Variants in LAMA4 observed in about 807,000 individuals in gnomAD.
LAMA4 encodes the protein laminin subunit alpha-4.
Under a neutral mutation model 207.1 loss-of-function variants are expected in LAMA4, and 127 were observed. That is an observed-to-expected ratio of 0.61 (90% CI 0.53 to 0.71). The LOEUF (loss-of-function observed/expected upper bound fraction) is 0.71. LAMA4 is among the 30% of genes least tolerant of loss of function. The pLI is 0.00. For missense variants in LAMA4, 2,093 were observed against 2,246.5 expected, an observed-to-expected ratio of 0.93 and a Z score of 1.38; for synonymous variants, 761 against 816.0, an observed-to-expected ratio of 0.93 and a Z score of 1.15.
At position 112,165,248 on chromosome 6, in the gene LAMA4, A is replaced by T. The variant is rs782032951; in HGVS notation, c.1580T>A (p.Met527Lys). 6.2e-7 allele frequency: 1 copy of T among 1,612,934 alleles called. No individual in the cohort carries two copies. Among genetic ancestry groups the T allele is most frequent in the African/African-American group, 1.3e-5 (1 of 74,888 alleles). The change falls in exon 13 of 39, where the codon ATG becomes AAG. Residue 527 changes from methionine (M) to lysine (K), a missense_variant. Around this residue, in one of 3 missense-constraint regions of LAMA4, gnomAD observed 1,704 missense variants for 1,788.4 expected, o/e 0.95. Coordinates refer to ENST00000230538, the MANE Select transcript of LAMA4 (RefSeq NM_001105206.3). ...GCTCAGAGACATGTTCACCACTTCC[A>T]TTTGTTCCCTCACTCTTTCCTGTTG... ...EKQQERVREQ[M>K]EVVNMSLSTS...
At chr6:112,136,824 A>T (rs9487824) in intron 24 of LAMA4, among the ~76,000 whole-genome samples, 1 of 152,058 alleles carries the variant, frequency 6.6e-6, no homozygotes, top group Non-Finnish European at 1.5e-5. Flanking sequence ...TAATGGATGA[A>T]GTTTTAAGTC....
chr6:112,139,653 C>G, intron 23 of LAMA4, 99 bp downstream of exon 23: 1 of 1,467,434 alleles, frequency 6.8e-7, no homozygotes. Flanking sequence ...CTGGCTTCCC[C>G]AAAGAAAAGT....
chr6:112,151,224 G>C, intron 16 of LAMA4, among the ~76,000 whole-genome samples: 1 of 152,040 alleles, frequency 6.6e-6, no homozygotes, highest in Non-Finnish European at 1.5e-5. Context: ...CCATCTGTTT[G>C]TGTCTGTTTT....
chr6:112,241,162 A>AAT (rs1459995943), intron 2 of LAMA4, among the ~76,000 whole-genome samples: 16 of 55,542 alleles, frequency 2.9e-4, no homozygotes, highest in South Asian at 1.6e-3. Context: ...TATATATATG[A>AAT]ATATATATGA....
rs80039771 is a variant in LAMA4 at position 112,157,994 on chromosome 6, T to A, written c.1817+738A>T. On this transcript the variant is annotated intron_variant, in intron 14 of 38. Coordinates refer to ENST00000230538, the MANE Select transcript of LAMA4 (RefSeq NM_001105206.3). ...TTTATATTTTGAACAGAAGTTAATA[T>A]TGGTTCTTATTTTATTAATGACCTT... 4.6e-5 allele frequency: 7 copies of A among 152,324 alleles called. No individual in the cohort carries two copies. The East Asian group carries it at 1.2e-3, about 25-fold the overall frequency. 9.4% of individuals were successfully genotyped at this position (152,324 alleles called of 1,614,324 possible).
chr6:112,129,820 T>C, intron 30 of LAMA4, 56 bp downstream of exon 30: 1 of 1,326,096 alleles, frequency 7.5e-7, no homozygotes. Flanking sequence ...ATTTTTGCTG[T>C]TGTCTTGATT....
rs142211524 is a variant in LAMA4, at chr6:112,147,092, T to C, written c.2353+1065A>G. ...AAAATGCTATTTGAGAAAAGCACAG[T>C]AAACAATTTCAATTTTTTGAAACTT... On this transcript the variant is annotated intron_variant, in intron 18 of 38. Coordinates refer to ENST00000230538, the MANE Select transcript of LAMA4 (RefSeq NM_001105206.3). Among the ~76,000 whole-genome samples, 112 of 152,244 alleles carry C rather than the reference T, an allele frequency of 7.4e-4. 1 individual carries two copies. The East Asian group carries it at 7.5e-3, about 10-fold the overall frequency.
In LAMA4 at chr6:112,187,498, G is replaced by T. The variant is rs962353764; in HGVS notation, c.918C>A (p.Ala306=). ...TGATTTCATTCACGTGCCTATGAGC[G>T]GCGGCCCCAGAGGATACGCTCAGCA... ...SGVLSVSSGA[A]AHRHVNEINA... Residue 306 remains alanine, a synonymous_variant, in exon 8 of 39, where the codon GCC becomes GCA. Transcript: ENST00000230538. The T allele has an allele frequency of 8.7e-6, 14 of 1,614,082 alleles. No homozygotes were observed. Among genetic ancestry groups the T allele is most frequent in the Non-Finnish European group, 1.2e-5 (14 of 1,180,014 alleles).
Position 112,140,928 on chromosome 6 carries a change from G to A in LAMA4, c.2814-6C>T, listed in dbSNP as rs1554333034. Reference sequence around the variant, plus strand: ...CCTTTCCATGTTTTCCCACCCTATTGAGATAAATAATTTTCACTTGTTATT... The same window carrying A: ...CCTTTCCATGTTTTCCCACCCTATTAAGATAAATAATTTTCACTTGTTATT... On this transcript the variant is annotated splice_region_variant and splice_polypyrimidine_tract_variant and intron_variant, in intron 21 of 38. Coordinates refer to ENST00000230538, the MANE Select transcript of LAMA4 (RefSeq NM_001105206.3). 1 of 1,607,188 alleles carries A rather than the reference G, an allele frequency of 6.2e-7. No homozygotes were observed. The highest frequency in any genetic ancestry group is 1.3e-5 in the African/African-American group (1 of 74,750).
chr6:112,140,320 A>G (rs1314320346), intron 22 of LAMA4, among the ~76,000 whole-genome samples: 1 of 152,154 alleles, frequency 6.6e-6, no homozygotes, highest in Admixed American at 6.5e-5. Context: ...CCCCTTCATC[A>G]GATTTCATAC....
intron 11 of LAMA4, among the ~76,000 whole-genome samples, chr6:112,173,099 G>T (rs1382002122): frequency 6.6e-6 from 1 of 152,106 alleles, no homozygotes; most frequent in Non-Finnish European, 1.5e-5. Flanking sequence ...TTATTATCCA[G>T]ATTATTAATA....
rs1777568079 is a variant in LAMA4 at position 112,109,310 on chromosome 6, GT to G, written c.*126del. 9.9e-7 allele frequency: 1 copy of G among 1,005,600 alleles called. No homozygotes were observed. Among genetic ancestry groups the G allele is most frequent in the African/African-American group, 1.6e-5 (1 of 62,664 alleles). 62.3% of individuals were successfully genotyped at this position (1,005,600 alleles called of 1,614,324 possible). A position where few individuals can be genotyped will look rare whatever the true frequency, so the allele number is the denominator to read the frequency against. On this transcript the variant is annotated 3_prime_UTR_variant, in exon 39 of 39. Coordinates refer to ENST00000230538, the MANE Select transcript of LAMA4 (RefSeq NM_001105206.3). Reference sequence around the variant, plus strand: ...AGAAATATCCGGTCCCTGATGATTCGTTTAAGTCCTGTTCAACTCGATGAAA... The same window carrying G: ...AGAAATATCCGGTCCCTGATGATTCGTTAAGTCCTGTTCAACTCGATGAAA...
At chr6:112,167,548 T>C (rs1263163259) in intron 12 of LAMA4, among the ~76,000 whole-genome samples, 1 of 152,212 alleles carries the variant, frequency 6.6e-6, no homozygotes, top group Non-Finnish European at 1.5e-5. Flanking sequence ...GGAATTAAAA[T>C]TTCATGATAT....
chr6:112,251,715 G>T (rs941298846), intron 2 of LAMA4: 1 of 152,258 alleles, frequency 6.6e-6, no homozygotes, highest in African/African-American at 2.4e-5. Flanking sequence ...ATGGTGGGGC[G>T]TTGGGATCGC....
At chr6:112,156,722 A>G (rs1295708462) in intron 14 of LAMA4, among the ~76,000 whole-genome samples, 6 of 152,002 alleles carry the variant, frequency 3.9e-5, no homozygotes, top group Admixed American at 3.3e-4. Context: ...CAGATCCCAC[A>G]CTGGCTCCTG....
intron 5 of LAMA4, among the ~76,000 whole-genome samples, chr6:112,192,241 C>A (rs1373502483): frequency 1.3e-5 from 2 of 152,234 alleles, no homozygotes; most frequent in Non-Finnish European, 2.9e-5. Context: ...GTTAATAGCA[C>A]CTCTATTGAG....
intron 16 of LAMA4, 184 bp downstream of exon 16, chr6:112,154,667 C>T (rs990872097): frequency 8.2e-5 from 46 of 560,940 alleles, no homozygotes; most frequent in Middle Eastern, 3.1e-4. Flanking sequence ...TTTTTTTTTT[C>T]AATCACAATT....
intron 3 of LAMA4, among the ~76,000 whole-genome samples, chr6:112,210,138 A>G: frequency 6.6e-6 from 1 of 151,824 alleles, no homozygotes. Context: ...AGAAGCCTGT[A>G]CAGCCCACAG....
intron 2 of LAMA4, among the ~76,000 whole-genome samples, chr6:112,230,835 T>C (rs542737031): frequency 6.6e-6 from 1 of 152,340 alleles, no homozygotes; most frequent in South Asian, 2.1e-4. Flanking sequence ...GTCTTGGCAT[T>C]ACAGAAACAC....
Sources: allele counts gnomAD v4.1 joint callset (sites outside exome capture counted in the v4.1 genomes callset), GRCh38; gene constraint gnomAD v4.1.1; regional missense constraint gnomAD v4.1.1; transcripts MANE v1.5; gene names NCBI Gene and HGNC (gene_info 2026-07-23, HGNC 2026-07-21).